DOCK1: variants seen among roughly 807,000 people sequenced by gnomAD.
DOCK1 encodes the protein dedicator of cytokinesis 1, also known as dedicator of cytokinesis protein 1.
Under a neutral mutation model 262.7 loss-of-function variants are expected in DOCK1, and 138 were observed. The ratio of observed to expected loss-of-function variants is 0.53; its 90% CI spans 0.46 to 0.61. The LOEUF (loss-of-function observed/expected upper bound fraction) is 0.61. Among genes scored for constraint, DOCK1 ranks in the 20% least tolerant of loss-of-function variants. DOCK1 has a pLI of 0.00. For missense variants in DOCK1, 1,908 were observed against 2,370.7 expected, an observed-to-expected ratio of 0.80 and a Z score of 4.05; for synonymous variants, 866 against 867.4, an observed-to-expected ratio of 1.00 and a Z score of 0.03.
chr10:127,386,571 T>C (rs4751308), intron 38 of DOCK1, among the ~76,000 whole-genome samples: 120,164 of 150,236 alleles, frequency 0.8, 48,162 homozygotes, highest in African/African-American at 0.85. Context: ...CTCATGAGAA[T>C]CTAATGCCTG....
chr10:127,315,261 T>C (rs961924832), intron 29 of DOCK1, among the ~76,000 whole-genome samples: 1 of 152,310 alleles, frequency 6.6e-6, no homozygotes, highest in Non-Finnish European at 1.5e-5. Context: ...TGTGGACTAT[T>C]AAAAATCCAA....
At chr10:127,346,454 G>A (rs962747742) in intron 31 of DOCK1, among the ~76,000 whole-genome samples, 18 of 152,274 alleles carry the variant, frequency 1.2e-4, no homozygotes, top group African/African-American at 4.3e-4. Flanking sequence ...AAATTAGCCA[G>A]GTGTGGTGGC....
At chr10:127,194,552 G>A (rs956826669) in intron 27 of DOCK1, among the ~76,000 whole-genome samples, 3 of 152,176 alleles carry the variant, frequency 2.0e-5, no homozygotes, top group African/African-American at 7.2e-5. Context: ...TTGCTGTAGC[G>A]TAAGCTTAAT....
chr10:127,448,541 C>T (rs951298045), intron 51 of DOCK1, among the ~76,000 whole-genome samples: 17 of 152,266 alleles, frequency 1.1e-4, no homozygotes, highest in South Asian at 6.2e-4. Flanking sequence ...GGGATGGAGG[C>T]GGGCGAGCGA....
At chr10:127,227,010 A>G (rs2058668798) in intron 27 of DOCK1, among the ~76,000 whole-genome samples, 2 of 152,118 alleles carry the variant, frequency 1.3e-5, no homozygotes, top group South Asian at 4.1e-4. Context: ...ATTTTCTTCC[A>G]TGCCCCAAGC....
chr10:126,906,519 C>A (rs2133978243), intron 1 of DOCK1, among the ~76,000 whole-genome samples: 1 of 152,312 alleles, frequency 6.6e-6, no homozygotes, highest in African/African-American at 2.4e-5. Flanking sequence ...TATTCCCCGT[C>A]CCACCATCCA....
intron 1 of DOCK1, among the ~76,000 whole-genome samples, chr10:126,952,873 G>A (rs966775473): frequency 2.7e-5 from 4 of 149,550 alleles, no homozygotes; most frequent in Non-Finnish European, 6.0e-5. Context: ...TGGTAGTATT[G>A]TTATTGTTGG....
At chr10:126,967,559 C>T (rs2037763639) in intron 1 of DOCK1, among the ~76,000 whole-genome samples, 1 of 151,912 alleles carries the variant, frequency 6.6e-6, no homozygotes, top group Admixed American at 6.6e-5. Context: ...GGCTAAGATA[C>T]GAGATTCAGC....
chr10:127,361,316 G>A (rs375044095), intron 32 of DOCK1, among the ~76,000 whole-genome samples: 93 of 151,958 alleles, frequency 6.1e-4, no homozygotes, highest in Non-Finnish European at 1.0e-3. Flanking sequence ...GTGTCTCACC[G>A]TGTTAGCCAG....
At chr10:127,354,519 T>C in intron 31 of DOCK1, 150 bp from the exon 32 acceptor site, 1 of 800,564 alleles carries the variant, frequency 1.2e-6, no homozygotes, top group Non-Finnish European at 2.0e-6. Context: ...CTCCTTTGAT[T>C]CATTTTGGTG....
Position 127,212,525 on chromosome 10 carries a change from C to T in DOCK1, c.2848-35483C>T, listed in dbSNP as rs574657597. ...GCGAACGGTGGAGGACTGTGCTTCT[C>T]GCTTGCAGACACCTCGAATTATTTT... On this transcript the variant is annotated intron_variant, in intron 27 of 51. Transcript: ENST00000623213. 2.1e-3 allele frequency among the ~76,000 whole-genome samples: 319 copies of T among 152,204 alleles called. 3 individuals are homozygous for T. Among genetic ancestry groups the T allele is most frequent in the Non-Finnish European group, 1.3e-3 (91 of 68,014 alleles).
chr10:127,215,831 C>CA (rs2058183814), intron 27 of DOCK1, among the ~76,000 whole-genome samples: 2 of 151,898 alleles, frequency 1.3e-5, no homozygotes, highest in South Asian at 4.2e-4. Flanking sequence ...AACACCCCCC[C>CA]TCACCCCCCA....
At chr10:127,339,733 G>GTGTGTGTGTGTGTGTGTGTGTGTGTGCA (rs71032552) in intron 30 of DOCK1, among the ~76,000 whole-genome samples, 4 of 109,334 alleles carry the variant, frequency 3.7e-5, no homozygotes, top group East Asian at 3.5e-4. Flanking sequence ...GTGTGTGTGT[G>GTGTGTGTGTGTGTGTGTGTGTGTGTGCA]TGCATGCTGT....
chr10:127,217,618 G>A (rs939526944), intron 27 of DOCK1, among the ~76,000 whole-genome samples: 12 of 152,144 alleles, frequency 7.9e-5, no homozygotes, highest in African/African-American at 2.7e-4. Context: ...AGATATATAA[G>A]GCCAACATAC....
chr10:126,948,419 A>ATGG (rs1299942606), intron 1 of DOCK1, among the ~76,000 whole-genome samples: 2,560 of 40,256 alleles, frequency 0.064, 989 homozygotes, highest in Middle Eastern at 0.12. Context: ...GTTGGTGGTG[A>ATGG]TGGTGGTGGT....
Position 127,152,788 on chromosome 10 carries a change from G to T in DOCK1, c.2847+25024G>T, listed in dbSNP as rs1182994968. Among the ~76,000 whole-genome samples the T allele has an allele frequency of 1.6e-4, 24 of 152,292 alleles. 1 individual carries two copies. The highest frequency in any genetic ancestry group is 7.4e-5 in the Non-Finnish European group (5 of 68,026). On this transcript the variant is annotated intron_variant, in intron 27 of 51. Coordinates refer to ENST00000623213, the MANE Select transcript of DOCK1 (RefSeq NM_001290223.2). ...TAAGGAATGTGCTGATGTGGCCTTC[G>T]GTGCCTATCTCTACCTGTGGTTTCT...
At chr10:127,196,531 C>T (rs1447733639) in intron 27 of DOCK1, among the ~76,000 whole-genome samples, 1 of 147,702 alleles carries the variant, frequency 6.8e-6, no homozygotes, top group Non-Finnish European at 1.5e-5. Flanking sequence ...GAGGCGAGGG[C>T]GCCCCAAGCC....
chr10:127,003,108 C>T (rs1362052222), intron 10 of DOCK1, among the ~76,000 whole-genome samples: 1 of 151,598 alleles, frequency 6.6e-6, no homozygotes, highest in African/African-American at 2.4e-5. Flanking sequence ...CTGTGTGAAC[C>T]CACGTGAACC....
chr10:126,910,312 G>A (rs2031578790), intron 1 of DOCK1, among the ~76,000 whole-genome samples: 1 of 152,148 alleles, frequency 6.6e-6, no homozygotes, highest in African/African-American at 2.4e-5. Context: ...GTCTTAGTGT[G>A]TGTCAATAGT....
Sources: allele counts gnomAD v4.1 joint callset (sites outside exome capture counted in the v4.1 genomes callset), GRCh38; gene constraint gnomAD v4.1.1; transcripts MANE v1.5; gene names NCBI Gene and HGNC (gene_info 2026-07-23, HGNC 2026-07-21).